ZNF518A: variants seen among roughly 807,000 people sequenced by gnomAD.
ZNF518A encodes zinc finger protein 518A.
A neutral mutation model predicts 102.7 loss-of-function variants in ZNF518A; 47 were observed. The observed-to-expected ratio is 0.46, with a 90% CI of 0.36 to 0.58. The LOEUF is 0.58. Ranked by LOEUF, ZNF518A falls within the 20% of genes least tolerant of loss-of-function variation. ZNF518A has a pLI of 0.00. For missense variants in ZNF518A, 1,793 were observed against 1,699.8 expected, an observed-to-expected ratio of 1.05 and a Z score of -0.96; for synonymous variants, 652 against 594.6, an observed-to-expected ratio of 1.10 and a Z score of -1.40.
chr10:96,172,926 T>G (rs587613945), intron 1 of ZNF518A, among the ~76,000 whole-genome samples: 2 of 152,110 alleles, frequency 1.3e-5, no homozygotes, highest in African/African-American at 4.8e-5. Flanking sequence ...TCCATATCTG[T>G]GCGTTCTACA....
chr10:96,165,551 A>C (rs1290604767), downstream of ZNF518A, among the ~76,000 whole-genome samples: 2 of 151,850 alleles, frequency 1.3e-5, no homozygotes, highest in Non-Finnish European at 2.9e-5. Flanking sequence ...TGAGTGGAAG[A>C]CTAAATATAC....
At chr10:96,181,631 T>C (rs1445267561) in intron 1 of ZNF518A, among the ~76,000 whole-genome samples, 1 of 152,200 alleles carries the variant, frequency 6.6e-6, no homozygotes, top group Non-Finnish European at 1.5e-5. Context: ...TTGTCAGGTG[T>C]GTCAAAGATC....
At chr10:96,197,301 GTAA>G (rs1554894936) in intron 1 of ZNF518A, among the ~76,000 whole-genome samples, 2 of 151,914 alleles carry the variant, frequency 1.3e-5, no homozygotes, top group African/African-American at 4.8e-5. Flanking sequence ...TGAAAAAAAG[GTAA>G]TAATTAATTA....
chr10:96,172,504 T>C (rs1026120994), intron 1 of ZNF518A, among the ~76,000 whole-genome samples: 1 of 152,050 alleles, frequency 6.6e-6, no homozygotes, highest in Non-Finnish European at 1.5e-5. Context: ...AGTATAACAG[T>C]TTATTCTTGG....
chr10:96,191,423 A>G (rs1251908435), intron 1 of ZNF518A, among the ~76,000 whole-genome samples: 1 of 151,964 alleles, frequency 6.6e-6, no homozygotes, highest in African/African-American at 2.4e-5. Flanking sequence ...AACTTATAGA[A>G]AGTTCATATC....
chr10:96,167,309 T>C (rs1429566997), downstream of ZNF518A, among the ~76,000 whole-genome samples: 1 of 151,824 alleles, frequency 6.6e-6, no homozygotes, highest in East Asian at 1.9e-4. Flanking sequence ...AAAAATAAAT[T>C]GGCCAAGCGT....
rs181356001 is a variant in ZNF518A, at chr10:96,158,420, A to G, written c.2098A>G (p.Ile700Val). ...AAAACCAGATAGCCTATTAGCATCT[A>G]TTAGCCTTTTAAATGATAAAGATGG... ...SSKPDSLLAS[I>V]SLLNDKDGTL... Residue 700 changes from isoleucine to valine, a missense_variant, in exon 6 of 6, where the codon ATT becomes GTT. This residue lies in a region of ZNF518A where 1,741 missense variants were observed against 1,622.6 expected (regional missense o/e 1.07). Coordinates refer to ENST00000316045, the MANE Select transcript of ZNF518A (RefSeq NM_001330736.2). 124 of 1,613,458 alleles carry G rather than the reference A, an allele frequency of 7.7e-5. No individual in the cohort carries two copies. The African/African-American group carries it at 1.2e-3, about 15-fold the overall frequency.
chr10:96,131,733 T>G (rs1015551328), intron 1 of ZNF518A, among the ~76,000 whole-genome samples: 2 of 152,244 alleles, frequency 1.3e-5, no homozygotes, highest in Non-Finnish European at 2.9e-5. Flanking sequence ...TGTGCATTGA[T>G]AATGTATGAA....
rs2082768909 is a variant in ZNF518A at position 96,157,789 on chromosome 10, G to C, written c.1467G>C (p.Leu489Phe). Residue 489 changes from leucine to phenylalanine, a missense_variant, in exon 6 of 6, where the codon TTG becomes TTC. Physicochemically the swap from Leu to Phe is conservative, Grantham distance 22. Transcript: ENST00000316045. ...CTGCTAATTTGCAGCCCCAGACTTT[G>C]GACACTAATGGATTTTTAACAGGAG... ...DGTANLQPQT[L>F]DTNGFLTGVT... 2 of 1,613,696 alleles carry C rather than the reference G, an allele frequency of 1.2e-6. No individual in the cohort carries two copies. Among genetic ancestry groups the C allele is most frequent in the Admixed American group, 3.3e-5 (2 of 60,004 alleles).
chr10:96,142,305 G>GGGGTGTGTGT (rs1299273019), intron 3 of ZNF518A, among the ~76,000 whole-genome samples: 68 of 104,126 alleles, frequency 6.5e-4, no homozygotes, highest in Non-Finnish European at 1.1e-3. Flanking sequence ...ATATTCTTAG[G>GGGGTGTGTGT]GTGTGTGTGT....
At position 96,159,622 on chromosome 10, in the gene ZNF518A, T is replaced by C. The variant is rs372366128; in HGVS notation, c.3300T>C (p.Asp1100=). 21 of 1,613,750 alleles carry C rather than the reference T, an allele frequency of 1.3e-5. No homozygotes were observed. The highest frequency in any genetic ancestry group is 1.6e-4 in the Middle Eastern group (1 of 6,084). Reference sequence around the variant, plus strand: ...CACCTCTTTATACCTTCTTGCCTGATGGCAAACAAGCTGTTTTTTTAAAGT... The same window carrying C: ...CACCTCTTTATACCTTCTTGCCTGACGGCAAACAAGCTGTTTTTTTAAAGT... The part of the protein sequence containing the change: ...PKPPLYTFLP[D]GKQAVFLKCV... Residue 1100 remains aspartate (D), a synonymous_variant, in exon 6 of 6, where the codon GAT becomes GAC. Transcript: ENST00000316045.
chr10:96,196,761 TTTATC>T (rs1344398592), intron 1 of ZNF518A: 1 of 790,304 alleles, frequency 1.3e-6, no homozygotes, highest in Non-Finnish European at 2.0e-6. Context: ...AATATAGTAT[TTTATC>T]TTGTTCTCTA....
At position 96,160,921 on chromosome 10, in the gene ZNF518A, A is replaced by G; in HGVS notation, c.*147A>G. On this transcript the variant is annotated 3_prime_UTR_variant, in exon 6 of 6. Coordinates refer to ENST00000316045, the MANE Select transcript of ZNF518A (RefSeq NM_001330736.2). Reference sequence around the variant, plus strand: ...GTTGATTGTATTTCTGTGGAAGAGTAAAAGTTGTATGTATGATATTTGAAA... The same window carrying G: ...GTTGATTGTATTTCTGTGGAAGAGTGAAAGTTGTATGTATGATATTTGAAA... 1.1e-6 allele frequency: 1 copy of G among 883,142 alleles called. No homozygotes were observed. Among genetic ancestry groups the G allele is most frequent in the East Asian group, 3.0e-5 (1 of 32,940 alleles). The allele number at this position is 883,142 out of a possible 1,614,324, so 54.7% of individuals were successfully genotyped here. A position where few individuals can be genotyped will look rare whatever the true frequency, so the allele number is the denominator to read the frequency against.
downstream of ZNF518A, chr10:96,204,541 G>A: frequency 2.5e-6 from 4 of 1,613,998 alleles, no homozygotes; most frequent in Middle Eastern, 3.3e-4. Context: ...CTTCTGGGCA[G>A]GAGGAAACAC....
intron 1 of ZNF518A, among the ~76,000 whole-genome samples, chr10:96,201,714 G>A (rs1285309640): frequency 1.7e-5 from 2 of 116,514 alleles, no homozygotes; most frequent in Non-Finnish European, 3.9e-5. Flanking sequence ...GTGGAAACAT[G>A]TGAAATACGA....
chr10:96,176,337 A>AGG (rs2083204590), intron 1 of ZNF518A, among the ~76,000 whole-genome samples: 1 of 152,200 alleles, frequency 6.6e-6, no homozygotes, highest in Non-Finnish European at 1.5e-5. Flanking sequence ...CCAGAAAAGG[A>AGG]GGAGAAAAGG....
chr10:96,169,171 T>C (rs1286821754), intron 1 of ZNF518A, among the ~76,000 whole-genome samples: 1 of 149,970 alleles, frequency 6.7e-6, no homozygotes, highest in Non-Finnish European at 1.5e-5. Flanking sequence ...CCAGCTAACT[T>C]TTAAAAAAAT....
At chr10:96,203,991 C>A in exon 3 of ZNF518A, 8 of 1,376,458 alleles carry the variant, frequency 5.8e-6, no homozygotes, top group Non-Finnish European at 8.3e-6. Context: ...AGAACCCAGG[C>A]CTATCAGACT....
At chr10:96,130,915 T>C (rs926609774) in intron 1 of ZNF518A, 163 bp downstream of exon 1, 6 of 152,196 alleles carry the variant, frequency 3.9e-5, no homozygotes, top group Non-Finnish European at 2.9e-5. Flanking sequence ...GAAAAGTACA[T>C]AGAGCGAAAT....
Sources: allele counts gnomAD v4.1 joint callset (sites outside exome capture counted in the v4.1 genomes callset), GRCh38; gene constraint gnomAD v4.1.1; regional missense constraint gnomAD v4.1.1; transcripts MANE v1.5; gene names NCBI Gene and HGNC (gene_info 2026-07-23, HGNC 2026-07-21).